Variants in CELF4 observed in about 807,000 individuals in gnomAD.
The protein encoded by CELF4 is CUG-BP- and ETR-3-like factor 4.
A neutral mutation model predicts 59.9 loss-of-function variants in CELF4; 18 were observed. The observed-to-expected ratio is 0.30, with a 90% CI of 0.21 to 0.45. The LOEUF (loss-of-function observed/expected upper bound fraction) is 0.45. Among genes scored for constraint, CELF4 ranks in the 20% least tolerant of loss-of-function variants. The probability of loss-of-function intolerance (pLI) is 1.00; values close to 1 mark genes in which losing one functional copy is unlikely to be tolerated. For synonymous variants in CELF4, 261 were observed against 267.1 expected (o/e 0.98, Z 0.22); for missense variants, 456 against 689.0 (o/e 0.66, Z 3.79).
At chr18:37,349,326 G>C (rs1266511113) in intron 2 of CELF4, among the ~76,000 whole-genome samples, 1 of 152,206 alleles carries the variant, frequency 6.6e-6, no homozygotes, top group Non-Finnish European at 1.5e-5. Flanking sequence ...ACGTTGGGGG[G>C]AGAAACTGGA....
chr18:37,406,940 G>A (rs1411630949), intron 2 of CELF4, among the ~76,000 whole-genome samples: 1 of 152,154 alleles, frequency 6.6e-6, no homozygotes, highest in Admixed American at 6.5e-5. Context: ...TGAACAAAAT[G>A]GAACGTCTGG....
At chr18:37,359,563 G>C (rs1459196810) in intron 2 of CELF4, among the ~76,000 whole-genome samples, 4 of 152,040 alleles carry the variant, frequency 2.6e-5, no homozygotes, top group Non-Finnish European at 5.9e-5. Context: ...TACACTCCTA[G>C]ACTCCTGGCC....
chr18:37,440,874 T>C (rs1209819731), intron 2 of CELF4, among the ~76,000 whole-genome samples: 1 of 152,180 alleles, frequency 6.6e-6, no homozygotes, highest in East Asian at 1.9e-4. Flanking sequence ...GGGCCTTGGT[T>C]TCCCTGTTGC....
chr18:37,520,105 C>T (rs1021349020), intron 1 of CELF4, among the ~76,000 whole-genome samples: 4 of 152,182 alleles, frequency 2.6e-5, no homozygotes, highest in Non-Finnish European at 5.9e-5. Flanking sequence ...GGGAGGCCAT[C>T]CCATGCTACC....
chr18:37,439,989 C>T (rs539927627), intron 2 of CELF4, among the ~76,000 whole-genome samples: 3 of 152,246 alleles, frequency 2.0e-5, no homozygotes, highest in South Asian at 4.1e-4. Context: ...GGATGGCCCA[C>T]CTCTGCCACT....
In CELF4 at chr18:37,254,565, G is replaced by A. The variant is rs1446803866; in HGVS notation, c.1334-627C>T. Among the ~76,000 whole-genome samples, 1 of 152,120 alleles carries A rather than the reference G, an allele frequency of 6.6e-6. No individual in the cohort carries two copies. The highest frequency in any genetic ancestry group is 1.5e-5 in the Non-Finnish European group (1 of 67,992). On this transcript the variant is annotated intron_variant, in intron 11 of 12. Transcript: ENST00000420428. This position sits in a 1 kb window ranked among gnomAD's most constrained non-coding sequence, Gnocchi z 5.1. ...CCTCTGCCCGCCCCGCCAGGCTCCG[G>A]GTGGGCCCTGGGCGTCACCTCGCCC...
intron 1 of CELF4, among the ~76,000 whole-genome samples, chr18:37,546,216 C>T (rs2099981378): frequency 1.3e-5 from 2 of 152,302 alleles, no homozygotes; most frequent in Admixed American, 6.5e-5. Context: ...CCGAGCCCGT[C>T]GCAGCCCACA....
chr18:37,485,494 G>A (rs1267745885), intron 2 of CELF4, 31 bp downstream of exon 2: 71 of 1,304,222 alleles, frequency 5.4e-5, no homozygotes, highest in Non-Finnish European at 6.9e-5. Flanking sequence ...TCGGCGCGTC[G>A]GCCGCTTGCG....
At chr18:37,513,958 G>A (rs1292948510) in intron 1 of CELF4, among the ~76,000 whole-genome samples, 2 of 137,498 alleles carry the variant, frequency 1.5e-5, no homozygotes, top group African/African-American at 3.5e-5. Context: ...GTGTGTGTGT[G>A]TGTGTGTGTG....
At chr18:37,510,218 T>G (rs1603643023) in intron 1 of CELF4, among the ~76,000 whole-genome samples, 1 of 152,180 alleles carries the variant, frequency 6.6e-6, no homozygotes, top group African/African-American at 2.4e-5. Flanking sequence ...CACAACAACT[T>G]TACCCTCCTC....
intron 8 of CELF4, among the ~76,000 whole-genome samples, chr18:37,269,385 C>A (rs2090029829): frequency 6.6e-6 from 1 of 152,194 alleles, no homozygotes; most frequent in Admixed American, 6.5e-5. Flanking sequence ...GTACAGTGAC[C>A]TTGCACTCTG....
intron 2 of CELF4, among the ~76,000 whole-genome samples, chr18:37,371,926 A>C (rs570883779): frequency 6.6e-6 from 1 of 152,322 alleles, no homozygotes; most frequent in South Asian, 2.1e-4. Flanking sequence ...ACTCTTCTTA[A>C]TGTGTGCATG....
Position 37,254,250 on chromosome 18 carries a change from C to A in CELF4, c.1334-312G>T, listed in dbSNP as rs1243905876. ...CGCTGGGAGAGGCGCCCGCCCCCCA[C>A]CCCCGCCGGCCCCGGCACCTCAGCC... is the stretch of plus-strand genomic sequence containing the variant. On this transcript the variant is annotated intron_variant, in intron 11 of 12. Coordinates refer to ENST00000420428, the MANE Select transcript of CELF4 (RefSeq NM_020180.4). This position sits in a 1 kb window ranked among gnomAD's most constrained non-coding sequence, Gnocchi z 5.1. Among the ~76,000 whole-genome samples the A allele has an allele frequency of 6.6e-6, 1 of 151,544 alleles. No homozygotes were observed. The highest frequency in any genetic ancestry group is 1.5e-5 in the Non-Finnish European group (1 of 67,726).
chr18:37,563,571 G>A lies in CELF4; in HGVS notation c.286+1785C>T, dbSNP rs370207961. Among the ~76,000 whole-genome samples, 8 of 152,208 alleles carry A rather than the reference G, an allele frequency of 5.3e-5. No individual in the cohort carries two copies. In the South Asian group the frequency reaches 1.7e-3, roughly 32 times the overall value. ...ACAAAGATATGGTTGACTTGAGAGG[G>A]AGGGGGGGAAAAAGAAAGTGTTTTC... is the stretch of plus-strand genomic sequence containing the variant. On this transcript the variant is annotated intron_variant, in intron 1 of 12. Transcript: ENST00000420428.
Position 37,263,643 on chromosome 18 carries a change from G to A in CELF4, c.1249+1031C>T, listed in dbSNP as rs1485243992. ...TCTTCCTGCTTATGTGGGTACCTAG[G>A]CACTGGGATGGGAAGACACTGACTG... On this transcript the variant is annotated intron_variant, in intron 10 of 12. Coordinates refer to ENST00000420428, the MANE Select transcript of CELF4 (RefSeq NM_020180.4). 5.3e-5 allele frequency among the ~76,000 whole-genome samples: 8 copies of A among 152,122 alleles called. No homozygotes were observed. In the South Asian group the frequency reaches 1.0e-3, roughly 20 times the overall value.
chr18:37,488,948 G>C (rs2099889770), intron 1 of CELF4, among the ~76,000 whole-genome samples: 1 of 152,200 alleles, frequency 6.6e-6, no homozygotes, highest in African/African-American at 2.4e-5. Context: ...GCCCTCAGAA[G>C]CTTGTGGGGA....
intron 2 of CELF4, among the ~76,000 whole-genome samples, chr18:37,452,939 C>T (rs556428464): frequency 9.9e-5 from 15 of 152,282 alleles, no homozygotes; most frequent in Admixed American, 8.5e-4. Context: ...GGGCTGGTAC[C>T]TCACTGCTCC....
chr18:37,266,184 C>T (rs1431486701), intron 9 of CELF4: 3 of 434,506 alleles, frequency 6.9e-6, no homozygotes. Context: ...CCAGCCTCGC[C>T]TGTGGTGCTG....
chr18:37,351,883 T>C (rs926168024), intron 2 of CELF4, among the ~76,000 whole-genome samples: 2 of 152,126 alleles, frequency 1.3e-5, no homozygotes, highest in African/African-American at 4.8e-5. Flanking sequence ...CCCAAAGTGC[T>C]GGGATTACAG....
Sources: allele counts gnomAD v4.1 joint callset (sites outside exome capture counted in the v4.1 genomes callset), GRCh38; gene constraint gnomAD v4.1.1; non-coding constraint Gnocchi (gnomAD v3.1); transcripts MANE v1.5; gene names NCBI Gene and HGNC (gene_info 2026-07-23, HGNC 2026-07-21).